The following ADAM19 variants were observed in gnomAD, a reference collection of about 807,000 sequenced individuals.
ADAM19 encodes the protein disintegrin and metalloproteinase domain-containing protein 19.
Under a neutral mutation model 114.7 loss-of-function variants are expected in ADAM19, and 65 were observed. That is an observed-to-expected ratio of 0.57 (90% confidence interval 0.46 to 0.70). ADAM19 has a LOEUF of 0.70. Among genes scored for constraint, ADAM19 ranks in the 30% least tolerant of loss-of-function variants. ADAM19 has a pLI of 0.00. For missense variants in ADAM19, 1,063 were observed against 1,204.7 expected (o/e 0.88, Z 1.74); for synonymous variants, 466 against 460.5 (o/e 1.01, Z -0.15).
intron 2 of ADAM19, among the ~76,000 whole-genome samples, chr5:157,567,410 T>C (rs548050893): frequency 6.6e-6 from 1 of 152,374 alleles, no homozygotes; most frequent in Non-Finnish European, 1.5e-5. Flanking sequence ...CTATTCTGGT[T>C]GCAGATCCTT....
chr5:157,544,247 G>A (rs767468187), intron 3 of ADAM19, among the ~76,000 whole-genome samples: 5 of 152,192 alleles, frequency 3.3e-5, no homozygotes, highest in Admixed American at 2.0e-4. Context: ...GCAACACTCC[G>A]AAGGCAAAAA....
At chr5:157,481,112 A>G in intron 22 of ADAM19, 110 bp from the exon 23 acceptor site, 1 of 1,408,794 alleles carries the variant, frequency 7.1e-7, no homozygotes, top group South Asian at 1.2e-5. Context: ...CCACCCACTG[A>G]GAACAAAGGC....
intron 4 of ADAM19, among the ~76,000 whole-genome samples, chr5:157,535,381 G>T (rs977130926): frequency 6.6e-6 from 1 of 152,242 alleles, no homozygotes; most frequent in African/African-American, 2.4e-5. Context: ...GCCAAGTTTG[G>T]TAGTAGAGTG....
intron 7 of ADAM19, among the ~76,000 whole-genome samples, chr5:157,517,717 T>C (rs1300219986): frequency 6.6e-6 from 1 of 152,216 alleles, no homozygotes; most frequent in Non-Finnish European, 1.5e-5. Flanking sequence ...TCCAGGTGCT[T>C]GGCACATAAT....
intron 15 of ADAM19, among the ~76,000 whole-genome samples, chr5:157,493,605 A>T (rs1055554957): frequency 6.6e-6 from 1 of 151,984 alleles, no homozygotes; most frequent in African/African-American, 2.4e-5. Flanking sequence ...CTATCTTATT[A>T]TCTATCTACC....
In ADAM19 at chr5:157,530,849, G is replaced by T. The variant is rs1275171439; in HGVS notation, c.365C>A (p.Thr122Lys). Residue 122 changes from threonine to lysine, a missense_variant, in exon 5 of 23, where the codon ACA becomes AAA. By Grantham distance (78) the Thr-to-Lys change is moderately conservative (BLOSUM62 -1). Around this residue, in one of 3 missense-constraint regions of ADAM19, gnomAD observed 615 missense variants for 706.3 expected, o/e 0.87. Coordinates refer to ENST00000257527, the MANE Select transcript of ADAM19 (RefSeq NM_033274.5). ...GCTGAGCGTGACGCTGGACAGTTCT[G>T]TCTCCCTCACCGTGCCGTGGTAAAA... ...HCFYHGTVRE[T>K]ELSSVTLSTC... 1 of 1,614,044 alleles carries T rather than the reference G, an allele frequency of 6.2e-7. No homozygotes were observed. Among genetic ancestry groups the T allele is most frequent in the Non-Finnish European group, 8.5e-7 (1 of 1,180,050 alleles).
chr5:157,481,071 C>T, intron 22 of ADAM19, 69 bp from the exon 23 acceptor site: 2 of 1,601,470 alleles, frequency 1.2e-6, no homozygotes, highest in South Asian at 2.2e-5. Flanking sequence ...AAGGGGGCAG[C>T]CATCCTCCCG....
chr5:157,496,799 T>C, intron 14 of ADAM19, 95 bp downstream of exon 14: 1 of 1,191,414 alleles, frequency 8.4e-7, no homozygotes, highest in Non-Finnish European at 1.1e-6. Context: ...AGAGGTGCCA[T>C]TTGAAGCCAA....
intron 1 of ADAM19, among the ~76,000 whole-genome samples, chr5:157,575,238 A>C (rs949089649): frequency 6.6e-6 from 1 of 152,182 alleles, no homozygotes; most frequent in Non-Finnish European, 1.5e-5. Flanking sequence ...GTAGAGAGAA[A>C]GACAGAGAGA....
chr5:157,477,702 C>T lies in ADAM19; in HGVS notation c.*3247G>A, dbSNP rs1010315475. The T allele has an allele frequency of 7.8e-7, 1 of 1,289,698 alleles. No individual in the cohort carries two copies. The highest frequency in any genetic ancestry group is 1.0e-6 in the Non-Finnish European group (1 of 988,818). 79.9% of individuals were successfully genotyped at this position (1,289,698 alleles called of 1,614,324 possible). A position where few individuals can be genotyped will look rare whatever the true frequency, so the allele number is the denominator to read the frequency against. On this transcript the variant is annotated 3_prime_UTR_variant, in exon 23 of 23. Coordinates refer to ENST00000257527, the MANE Select transcript of ADAM19 (RefSeq NM_033274.5). ...CACAATTACTGACTTTGGAACTGGT[C>T]CCCAGTTTTCAAATTGCAAGTCTTC...
Position 157,575,629 on chromosome 5 carries a change from C to G in ADAM19, c.68G>C (p.Arg23Pro). 1 of 1,442,492 alleles carries G rather than the reference C, an allele frequency of 6.9e-7. No homozygotes were observed. Among genetic ancestry groups the G allele is most frequent in the Non-Finnish European group, 9.1e-7 (1 of 1,104,056 alleles). The allele number at this position is 1,442,492 out of a possible 1,614,324, so 89.4% of individuals were successfully genotyped here. The stretch of plus-strand genomic sequence containing the variant: ...TGTCCATCCAGGCTCCCGCGCCGCC[C>G]GCGGCCGGAGGGGCTGCAGGGCAAA... ...LAFALQPLRP[R>P]AAREPGWTRG... Residue 23 changes from arginine to proline, a missense_variant, in exon 1 of 23, where the codon CGG (arginine) becomes CCG (proline). By Grantham distance (103) the Arg-to-Pro change is moderately radical. Around this residue, in one of 3 missense-constraint regions of ADAM19, gnomAD observed 615 missense variants for 706.3 expected, o/e 0.87. Transcript: ENST00000257527.
Position 157,489,096 on chromosome 5 carries a change from T to C in ADAM19, c.2325+6A>G, listed in dbSNP as rs369947093. The C allele has an allele frequency of 1.2e-4, 190 of 1,613,110 alleles. No homozygotes were observed. In the African/African-American group the frequency reaches 2.4e-3, roughly 20 times the overall value. On this transcript the variant is annotated splice_donor_region_variant and intron_variant, in intron 20 of 22. Coordinates refer to ENST00000257527, the MANE Select transcript of ADAM19 (RefSeq NM_033274.5). ...GTAGCAAAGTTCAGTGGTGCAAAGCTCTTACCTTTCGCTTGCCCTGGGGCG... is the reference window on the plus strand; with the variant it reads ...GTAGCAAAGTTCAGTGGTGCAAAGCCCTTACCTTTCGCTTGCCCTGGGGCG...
At chr5:157,503,301 T>C (rs1016590662) in intron 11 of ADAM19, among the ~76,000 whole-genome samples, 4 of 152,008 alleles carry the variant, frequency 2.6e-5, no homozygotes, top group Non-Finnish European at 5.9e-5. Context: ...ATGAGAACAC[T>C]TGGACACAGG....
chr5:157,504,353 T>C (rs1305503889), intron 11 of ADAM19, among the ~76,000 whole-genome samples: 4 of 152,092 alleles, frequency 2.6e-5, no homozygotes, highest in Admixed American at 6.6e-5. Flanking sequence ...CGAGTTCAAG[T>C]GATTTTCCCG....
At chr5:157,482,004 C>G in intron 21 of ADAM19, 61 bp from the exon 22 acceptor site, 1 of 1,331,174 alleles carries the variant, frequency 7.5e-7, no homozygotes, top group Non-Finnish European at 1.0e-6. Context: ...GAAAATATCC[C>G]TGATATCTTA....
chr5:157,528,310 C>T (rs1291984924), intron 5 of ADAM19, among the ~76,000 whole-genome samples: 5 of 152,186 alleles, frequency 3.3e-5, no homozygotes, highest in African/African-American at 7.2e-5. Context: ...ACAGCTCACC[C>T]GGTATCCCCC....
intron 21 of ADAM19, 93 bp from the exon 22 acceptor site, chr5:157,482,036 A>C (rs1754770178): frequency 9.8e-7 from 1 of 1,022,336 alleles, no homozygotes; most frequent in African/African-American, 1.6e-5. Flanking sequence ...CAGATAGATA[A>C]AAGTTATATA....
At chr5:157,532,940 T>C (rs1756665693) in intron 4 of ADAM19, among the ~76,000 whole-genome samples, 1 of 152,182 alleles carries the variant, frequency 6.6e-6, no homozygotes, top group Non-Finnish European at 1.5e-5. Flanking sequence ...ATATCGTACA[T>C]AAAGGAGCTA....
chr5:157,500,791 C>A (rs1020793183), intron 12 of ADAM19, among the ~76,000 whole-genome samples: 27 of 152,170 alleles, frequency 1.8e-4, no homozygotes, highest in African/African-American at 6.3e-4. Context: ...ATGAGGCGTT[C>A]CAGTGACCCT....
Sources: gnomAD v4.1 joint callset for allele counts (sites outside exome capture counted in the v4.1 genomes callset) on GRCh38, gnomAD v4.1.1 for gene constraint, gnomAD v4.1.1 regional missense constraint, MANE v1.5 for transcripts, NCBI Gene and HGNC (gene_info 2026-07-23, HGNC 2026-07-21) for gene names.